Variants in CEP170B observed in about 807,000 individuals in gnomAD.
CEP170B encodes the protein centrosomal protein of 170 kDa protein B.
Under a neutral mutation model 120.6 loss-of-function variants are expected in CEP170B, and 55 were observed. The observed-to-expected ratio is 0.46, with a 90% CI of 0.37 to 0.57. The LOEUF (loss-of-function observed/expected upper bound fraction) is 0.57, where lower values mean the gene tolerates loss of function less well. CEP170B is among the 20% of genes least tolerant of loss of function. The probability of loss-of-function intolerance (pLI) is 0.00; values close to 1 mark genes in which losing one functional copy is unlikely to be tolerated. For synonymous variants in CEP170B, 1,033 were observed against 954.5 expected (o/e 1.08, Z -1.52); for missense variants, 2,212 against 2,253.3 (o/e 0.98, Z 0.37).
In CEP170B at chr14:104,868,980, G is replaced by A. The variant is rs543897741; in HGVS notation, c.105+425G>A. Among the ~76,000 whole-genome samples, 2 of 152,262 alleles carry A rather than the reference G, an allele frequency of 1.3e-5. No homozygotes were observed. The highest frequency in any genetic ancestry group is 2.1e-4 in the South Asian group (1 of 4,826). On this transcript the variant is annotated intron_variant, in intron 2 of 18. Coordinates refer to ENST00000414716, the MANE Select transcript of CEP170B (RefSeq NM_001112726.3). This position sits in a 1 kb window ranked among gnomAD's most constrained non-coding sequence, Gnocchi z 5.9. ...TCTATGCTGTGAGTGCTGCCTGAGCGGGGGTCCCAGTATCTTGGTCCCAGC... is the reference window on the plus strand; with the variant it reads ...TCTATGCTGTGAGTGCTGCCTGAGCAGGGGTCCCAGTATCTTGGTCCCAGC...
chr14:104,889,542 A>T (rs1470794964), intron 12 of CEP170B, 78 bp from the exon 13 acceptor site: 1 of 1,597,356 alleles, frequency 6.3e-7, no homozygotes, highest in Non-Finnish European at 8.5e-7. Context: ...CAGGGCTCGG[A>T]TTACACGTCC....
chr14:104,878,844 G>A (rs1340053948), intron 5 of CEP170B, among the ~76,000 whole-genome samples: 2 of 152,206 alleles, frequency 1.3e-5, no homozygotes, highest in Non-Finnish European at 2.9e-5. Context: ...CTGGGCTTTC[G>A]GAGCTGCATC....
Position 104,883,417 on chromosome 14 carries a change from G to A in CEP170B, c.960G>A (p.Gln320=), listed in dbSNP as rs757124762. ...CCAAGGTGGCCGACTGGCTGGTGCAGAATGACCCGAGCCTGCTGCACCGGG... is the reference window on the plus strand; with the variant it reads ...CCAAGGTGGCCGACTGGCTGGTGCAAAATGACCCGAGCCTGCTGCACCGGG... ...AETKVADWLV[Q]NDPSLLHRVG... The change falls in exon 8 of 19, where the codon CAG becomes CAA. Residue 320 remains glutamine (Q), a synonymous_variant. Coordinates refer to ENST00000414716, the MANE Select transcript of CEP170B (RefSeq NM_001112726.3). 1 of 1,577,172 alleles carries A rather than the reference G, an allele frequency of 6.3e-7. No individual in the cohort carries two copies. Among genetic ancestry groups the A allele is most frequent in the East Asian group, 2.4e-5 (1 of 42,484 alleles).
Position 104,893,826 on chromosome 14 carries a change from A to G in CEP170B, c.4248A>G (p.Thr1416=). The G allele has an allele frequency of 1.2e-6, 2 of 1,612,554 alleles. No individual in the cohort carries two copies. The highest frequency in any genetic ancestry group is 1.7e-6 in the Non-Finnish European group (2 of 1,179,690). ...TGTCGCAGGCCATCCGTGAGAACAC[A>G]GAGCACCTTGCCGAGAAGATGAAGT... ...SQLSQAIREN[T]EHLAEKMKIL... Residue 1416 remains threonine (T), a synonymous_variant, in exon 16 of 19, where the codon ACA becomes ACG. Transcript: ENST00000414716.
chr14:104,879,618 C>A (rs1896038302), intron 5 of CEP170B, among the ~76,000 whole-genome samples: 1 of 152,164 alleles, frequency 6.6e-6, no homozygotes, highest in South Asian at 2.1e-4. Context: ...ACAGCTGCCC[C>A]CAGCACATTG....
intron 13 of CEP170B, among the ~76,000 whole-genome samples, chr14:104,890,096 AGGTG>A (rs1229838387): frequency 2.0e-4 from 4 of 20,320 alleles, no homozygotes; most frequent in East Asian, 3.8e-3. Flanking sequence ...CTGGGTGGGT[AGGTG>A]GGTGGGTGGG....
At chr14:104,871,188 A>G (rs2841229) in intron 2 of CEP170B, among the ~76,000 whole-genome samples, 18,478 of 151,512 alleles carry the variant, frequency 0.12, 1,435 homozygotes, top group African/African-American at 0.22. Flanking sequence ...GGCCCTATCC[A>G]CCTCTGCTCA....
At chr14:104,878,314 C>A in intron 4 of CEP170B, 129 bp from the exon 5 acceptor site, 3 of 926,244 alleles carry the variant, frequency 3.2e-6, no homozygotes, top group Non-Finnish European at 5.1e-6. Context: ...TGTGCCTCCC[C>A]GGGAAGAAAG....
At chr14:104,872,415 TGG>T (rs1895597297) in intron 2 of CEP170B, among the ~76,000 whole-genome samples, 2 of 122,916 alleles carry the variant, frequency 1.6e-5, no homozygotes, top group African/African-American at 6.3e-5. Flanking sequence ...GGGTGTGCCG[TGG>T]GTGTGCCGTG....
chr14:104,889,304 G>T (rs748532678), intron 12 of CEP170B, among the ~76,000 whole-genome samples: 2 of 151,834 alleles, frequency 1.3e-5, no homozygotes, highest in African/African-American at 2.4e-5. Flanking sequence ...CGCCTTCCCC[G>T]CATGTGCCCT....
At chr14:104,893,470 G>A (rs550036277) in intron 14 of CEP170B, 53 bp from the exon 15 acceptor site, 1 of 1,563,230 alleles carries the variant, frequency 6.4e-7, no homozygotes, top group African/African-American at 1.4e-5. Context: ...TGCAGCCACA[G>A]CCTGGCAGGA....
rs4983390 is a variant in CEP170B, at chr14:104,867,307, C to T, written c.-27-1117C>T. Among the ~76,000 whole-genome samples the T allele has an allele frequency of 0.42, 64,116 of 152,028 alleles. 16,346 individuals carry two copies. Among genetic ancestry groups the T allele is most frequent in the Middle Eastern group, 0.67 (198 of 294 alleles). On this transcript the variant is annotated intron_variant, in intron 1 of 18. Transcript: ENST00000414716. This position sits in a 1 kb window ranked among gnomAD's most constrained non-coding sequence, Gnocchi z 5.4. ...CAAGCGTTCATGGGCTCACTTCCAC[C>T]CCTGTCCTGCTGAGCCTGGAGGCTG... is the stretch of plus-strand genomic sequence containing the variant.
chr14:104,893,472 CT>C, intron 14 of CEP170B, 50 bp from the exon 15 acceptor site: 1 of 1,566,146 alleles, frequency 6.4e-7, no homozygotes, highest in Non-Finnish European at 8.6e-7. Context: ...CAGCCACAGC[CT>C]GGCAGGAGCC....
At chr14:104,872,174 T>TGTGTGCC (rs1895528793) in intron 2 of CEP170B, among the ~76,000 whole-genome samples, 2 of 144,028 alleles carry the variant, frequency 1.4e-5, no homozygotes, top group South Asian at 2.3e-4. Flanking sequence ...CGCGTGTGTG[T>TGTGTGCC]GCGTGTGTGT....
rs1823307616 is a variant in CEP170B at position 104,865,326 on chromosome 14, G to A, written c.-215G>A. 6.8e-6 allele frequency: 1 copy of A among 146,874 alleles called. No individual in the cohort carries two copies. The highest frequency in any genetic ancestry group is 2.5e-5 in the African/African-American group (1 of 40,748). 9.1% of individuals were successfully genotyped at this position (146,874 alleles called of 1,614,324 possible). A position where few individuals can be genotyped will look rare whatever the true frequency, so the allele number is the denominator to read the frequency against. On this transcript the variant is annotated 5_prime_UTR_variant, in exon 1 of 19. Transcript: ENST00000414716. The surrounding 1 kb of genome is among the most constrained non-coding windows in gnomAD (Gnocchi z 6.7). ...GGCCGCTCTGCCGTGGGCTCGGCCC[G>A]GGCTGCCACGAGCGTGCGGGCCTCG... is the stretch of plus-strand genomic sequence containing the variant.
Position 104,893,684 on chromosome 14 carries a change from GC to G in CEP170B, c.4182+20del. On this transcript the variant is annotated intron_variant, in intron 15 of 18. Coordinates refer to ENST00000414716, the MANE Select transcript of CEP170B (RefSeq NM_001112726.3). Reference sequence around the variant, plus strand: ...GAGAGGAGGCACGGTGCCCACTACCGCCACGGAGCTGGGTGTGGGGGGAGCA... The same window carrying G: ...GAGAGGAGGCACGGTGCCCACTACCGCACGGAGCTGGGTGTGGGGGGAGCA... The G allele has an allele frequency of 6.3e-7, 1 of 1,583,386 alleles. No individual in the cohort carries two copies. Among genetic ancestry groups the G allele is most frequent in the Non-Finnish European group, 8.6e-7 (1 of 1,166,050 alleles).
Position 104,892,843 on chromosome 14 carries a change from G to A in CEP170B, c.3879-133G>A, listed in dbSNP as rs1896910192. On this transcript the variant is annotated intron_variant, in intron 13 of 18. Transcript: ENST00000414716. ...CTAGGCCGGTGTTTGGGGCCAGGCT[G>A]GGGAGCACCTCCCCCAGGCCCCACC... is the stretch of plus-strand genomic sequence containing the variant. 6 of 986,506 alleles carry A rather than the reference G, an allele frequency of 6.1e-6. No homozygotes were observed. The East Asian group carries it at 7.8e-5, about 13-fold the overall frequency. The allele number at this position is 986,506 out of a possible 1,614,324, so 61.1% of individuals were successfully genotyped here.
At position 104,883,137 on chromosome 14, in the gene CEP170B, A is replaced by G; in HGVS notation, c.680A>G (p.Glu227Gly). Residue 227 changes from glutamate (E) to glycine (G), a missense_variant, in exon 8 of 19, where the codon GAG (glutamate) becomes GGG (glycine). Glu to Gly is a moderately conservative substitution (Grantham distance 98). Transcript: ENST00000414716. The part of the protein sequence containing the change: ...CSFRREPSYF[E>G]IPTKETPQPS... Reference sequence around the variant, plus strand: ...TTCCGGCGGGAGCCCAGCTACTTCGAGATCCCCACGAAGGAGACCCCGCAG... The same window carrying G: ...TTCCGGCGGGAGCCCAGCTACTTCGGGATCCCCACGAAGGAGACCCCGCAG... The G allele has an allele frequency of 6.2e-7, 1 of 1,604,862 alleles. No homozygotes were observed. Among genetic ancestry groups the G allele is most frequent in the Non-Finnish European group, 8.5e-7 (1 of 1,177,516 alleles).
Position 104,892,955 on chromosome 14 carries a change from CG to C in CEP170B, c.3879-20del, listed in dbSNP as rs1313131343. ...CCGACTTCCTCTGTGCAGAACCTGC[CG>C]TCTTTCCTGCCGGCTGCAGGCTGAG... On this transcript the variant is annotated intron_variant, in intron 13 of 18. Transcript: ENST00000414716. 3.9e-6 allele frequency: 6 copies of C among 1,553,616 alleles called. No individual in the cohort carries two copies. The highest frequency in any genetic ancestry group is 5.2e-6 in the Non-Finnish European group (6 of 1,149,032).
Sources: allele counts gnomAD v4.1 joint callset (sites outside exome capture counted in the v4.1 genomes callset), GRCh38; gene constraint gnomAD v4.1.1; non-coding constraint Gnocchi (gnomAD v3.1); transcripts MANE v1.5; gene names NCBI Gene and HGNC (gene_info 2026-07-23, HGNC 2026-07-21).